NTM: variants seen among roughly 807,000 people sequenced by gnomAD.
NTM encodes the protein neurotrimin, also known as IgLON family member 2.
NTM carries 13 observed loss-of-function variants against 42.1 expected under a neutral mutation model. The ratio of observed to expected loss-of-function variants is 0.31; its 90% CI spans 0.20 to 0.49. The LOEUF (loss-of-function observed/expected upper bound fraction) is 0.49. Ranked by LOEUF, NTM falls within the 20% of genes least tolerant of loss-of-function variation. The pLI, the probability that NTM is intolerant of heterozygous loss-of-function variation, is 0.99. For missense variants in NTM, 373 were observed against 452.8 expected (o/e 0.82, Z 1.60); for synonymous variants, 187 against 179.2 (o/e 1.04, Z -0.35).
intron 1 of NTM, among the ~76,000 whole-genome samples, chr11:131,482,630 T>C (rs1262435958): frequency 6.6e-6 from 1 of 152,152 alleles, no homozygotes; most frequent in Non-Finnish European, 1.5e-5. Flanking sequence ...ACAAAGAAAC[T>C]GCTATTTTTG....
chr11:131,911,725 A>G, intron 2 of NTM, 77 bp downstream of exon 2: 1 of 1,571,692 alleles, frequency 6.4e-7, no homozygotes, highest in Non-Finnish European at 8.7e-7. Flanking sequence ...AGGTGTGTGC[A>G]CTGAGGCGTG....
intron 2 of NTM, among the ~76,000 whole-genome samples, chr11:132,039,761 G>C (rs1421907102): frequency 1.3e-5 from 2 of 152,150 alleles, no homozygotes; most frequent in African/African-American, 4.8e-5. Context: ...GAATGTGCGA[G>C]TCAACTCCAT....
intron 4 of NTM, among the ~76,000 whole-genome samples, chr11:132,254,875 G>C (rs904791820): frequency 1.2e-4 from 19 of 152,302 alleles, no homozygotes; most frequent in Middle Eastern, 3.4e-3. Context: ...TGTGGGGGCT[G>C]TTCTGTGTAT....
intron 2 of NTM, among the ~76,000 whole-genome samples, chr11:132,114,522 C>T (rs1031585028): frequency 2.0e-5 from 3 of 152,192 alleles, no homozygotes; most frequent in Non-Finnish European, 4.4e-5. Flanking sequence ...CAACTTGCTG[C>T]TGCCCTTTTT....
Position 131,593,817 on chromosome 11 carries a change from G to A in NTM, c.82+222929G>A, listed in dbSNP as rs144240794. Among the ~76,000 whole-genome samples, 418 of 152,300 alleles carry A rather than the reference G, an allele frequency of 2.7e-3. 1 individual carries two copies. The highest frequency in any genetic ancestry group is 9.5e-3 in the African/African-American group (394 of 41,562). On this transcript the variant is annotated intron_variant, in intron 1 of 8. Coordinates refer to ENST00000683400, the MANE Select transcript of NTM (RefSeq NM_001352005.2). ...CTGGACATATCAGTTTCTGCACTTG[G>A]CAGGTTGCTTTATGATTATCTGTTT...
chr11:132,225,408 G>C (rs2086015165), intron 4 of NTM, among the ~76,000 whole-genome samples: 1 of 152,168 alleles, frequency 6.6e-6, no homozygotes, highest in Admixed American at 6.5e-5. Context: ...ACAGAGCCTA[G>C]AGACCCAAGC....
chr11:132,059,576 T>G (rs1311087839), intron 2 of NTM, among the ~76,000 whole-genome samples: 1 of 152,160 alleles, frequency 6.6e-6, no homozygotes, highest in Non-Finnish European at 1.5e-5. Flanking sequence ...AGATCCTAGG[T>G]TAGCAGTCCT....
intron 1 of NTM, among the ~76,000 whole-genome samples, chr11:131,444,377 T>C (rs1330416868): frequency 6.6e-6 from 1 of 152,164 alleles, no homozygotes; most frequent in Non-Finnish European, 1.5e-5. Flanking sequence ...TCATATCAAA[T>C]GCTGCAGATG....
intron 1 of NTM, among the ~76,000 whole-genome samples, chr11:131,697,125 A>G (rs963589792): frequency 6.6e-6 from 1 of 152,148 alleles, no homozygotes; most frequent in Non-Finnish European, 1.5e-5. Flanking sequence ...TTTGCTTATT[A>G]ATTTCTCAGA....
chr11:131,815,537 T>C (rs2092917281), intron 1 of NTM, among the ~76,000 whole-genome samples: 1 of 152,182 alleles, frequency 6.6e-6, no homozygotes, highest in South Asian at 2.1e-4. Context: ...TGAAGAATCC[T>C]TTTGAGAAGT....
intron 2 of NTM, among the ~76,000 whole-genome samples, chr11:131,958,881 G>A (rs528161578): frequency 3.9e-5 from 6 of 152,132 alleles, no homozygotes; most frequent in East Asian, 3.9e-4. Context: ...AGGAGCCTTC[G>A]CCAACTAAGA....
At chr11:131,447,008 G>A (rs1447945874) in intron 1 of NTM, among the ~76,000 whole-genome samples, 2 of 148,954 alleles carry the variant, frequency 1.3e-5, no homozygotes, top group Non-Finnish European at 3.0e-5. Flanking sequence ...ATATGCATAT[G>A]ACTGTGTTAA....
intron 1 of NTM, among the ~76,000 whole-genome samples, chr11:131,437,078 A>G (rs1016248306): frequency 1.1e-4 from 17 of 152,186 alleles, no homozygotes; most frequent in African/African-American, 7.2e-5. Context: ...TTCAGTTTCC[A>G]TGTAGTTGTG....
At chr11:131,904,585 C>T (rs995726992) in intron 1 of NTM, among the ~76,000 whole-genome samples, 1 of 152,150 alleles carries the variant, frequency 6.6e-6, no homozygotes, top group Admixed American at 6.5e-5. Context: ...TTGGGCCTTG[C>T]ATGGTCGAAG....
chr11:132,244,822 C>G (rs1442172090), intron 4 of NTM, among the ~76,000 whole-genome samples: 2 of 152,226 alleles, frequency 1.3e-5, no homozygotes, highest in African/African-American at 4.8e-5. Flanking sequence ...CCCACCGGCT[C>G]ACTGCACAGA....
intron 2 of NTM, among the ~76,000 whole-genome samples, chr11:132,066,494 G>C (rs1171615348): frequency 6.6e-6 from 1 of 152,084 alleles, no homozygotes; most frequent in African/African-American, 2.4e-5. Flanking sequence ...CCACAAACTG[G>C]GTGACTTAAA....
At chr11:131,709,932 A>G (rs562256513) in intron 1 of NTM, among the ~76,000 whole-genome samples, 147 of 152,304 alleles carry the variant, frequency 9.7e-4, no homozygotes, top group South Asian at 1.7e-3. Flanking sequence ...AGAGTGTGCT[A>G]TCCTGGAAGC....
intron 2 of NTM, among the ~76,000 whole-genome samples, chr11:132,085,926 G>A (rs1258548476): frequency 6.6e-6 from 1 of 152,134 alleles, no homozygotes; most frequent in Non-Finnish European, 1.5e-5. Flanking sequence ...CAAGAGGAAA[G>A]CAGAGGTCTC....
intron 1 of NTM, among the ~76,000 whole-genome samples, chr11:131,881,811 A>G (rs375860626): frequency 6.6e-6 from 1 of 152,290 alleles, no homozygotes; most frequent in East Asian, 1.9e-4. Flanking sequence ...ACAGGTGAAG[A>G]TGAGAAGTGA....
Sources: allele counts gnomAD v4.1 joint callset (sites outside exome capture counted in the v4.1 genomes callset), GRCh38; gene constraint gnomAD v4.1.1; transcripts MANE v1.5; gene names NCBI Gene and HGNC (gene_info 2026-07-23, HGNC 2026-07-21).